The following SAMMSON variants were observed in gnomAD, a reference collection of about 807,000 sequenced individuals.
The protein encoded by SAMMSON is survival associated mitochondrial melanoma specific oncogenic non-coding RNA.
At chr3:70,384,037 A>G (rs1201055336) in intron 9 of SAMMSON, among the ~76,000 whole-genome samples, 1 of 152,002 alleles carries the variant, frequency 6.6e-6, no homozygotes, top group African/African-American at 2.4e-5. Flanking sequence ...CCATTGGTTA[A>G]GGATGCAATC....
intron 4 of SAMMSON, among the ~76,000 whole-genome samples, chr3:70,156,771 G>A (rs2067593818): frequency 6.6e-6 from 1 of 152,054 alleles, no homozygotes; most frequent in African/African-American, 2.4e-5. Context: ...GAAAGTGAAA[G>A]AAGGGGAAAT....
intron 9 of SAMMSON, among the ~76,000 whole-genome samples, chr3:70,365,981 T>TGC (rs1559573617): frequency 5.0e-3 from 90 of 18,106 alleles, no homozygotes; most frequent in South Asian, 7.6e-3. Flanking sequence ...TTTTTTTTTT[T>TGC]TTTTTTTTTT....
chr3:70,191,803 A>G (rs1701132658), intron 4 of SAMMSON, among the ~76,000 whole-genome samples: 2 of 151,434 alleles, frequency 1.3e-5, no homozygotes, highest in South Asian at 4.2e-4. Context: ...GAATGAACAG[A>G]TTTGGCCTCA....
In SAMMSON at chr3:70,366,148, G is replaced by A. The variant is rs563266969; in HGVS notation, n.913+7824G>A. Among the ~76,000 whole-genome samples the A allele has an allele frequency of 1.7e-4, 13 of 75,024 alleles. 3 individuals are homozygous for A. Among genetic ancestry groups the A allele is most frequent in the African/African-American group, 6.0e-4 (12 of 20,136 alleles). The allele number at this position is 75,024 out of a possible 152,430, so 49.2% of individuals were successfully genotyped here. ...TGGGACTACAGGCGCCCGCCACCGCGCCCGGCTAATTTTTTGTATTTTTAG... is the reference window on the plus strand; with the variant it reads ...TGGGACTACAGGCGCCCGCCACCGCACCCGGCTAATTTTTTGTATTTTTAG... On this transcript the variant is annotated intron_variant and non_coding_transcript_variant, in intron 9 of 9. Transcript: ENST00000642114.
chr3:70,186,430 A>G (rs1362183179), intron 4 of SAMMSON, among the ~76,000 whole-genome samples: 1 of 151,398 alleles, frequency 6.6e-6, no homozygotes, highest in Non-Finnish European at 1.5e-5. Flanking sequence ...GCTAATTTTT[A>G]TTTTTTTATT....
intron 6 of SAMMSON, among the ~76,000 whole-genome samples, chr3:70,253,596 C>T (rs1032245145): frequency 2.6e-5 from 4 of 152,054 alleles, no homozygotes; most frequent in African/African-American, 9.7e-5. Context: ...GGTGATGCAC[C>T]TCTGTAGTCC....
chr3:70,195,251 T>C (rs888661294), intron 4 of SAMMSON, among the ~76,000 whole-genome samples: 1 of 152,148 alleles, frequency 6.6e-6, no homozygotes, highest in Non-Finnish European at 1.5e-5. Flanking sequence ...GTTCTATGCA[T>C]TGAGTATAGA....
At chr3:70,212,893 A>G (rs1332310139) in intron 4 of SAMMSON, among the ~76,000 whole-genome samples, 1 of 152,046 alleles carries the variant, frequency 6.6e-6, no homozygotes, top group Non-Finnish European at 1.5e-5. Context: ...TCCCAGACTC[A>G]GGTGATCCTC....
intron 9 of SAMMSON, among the ~76,000 whole-genome samples, chr3:70,363,800 CTGTGTGTGTG>C (rs10542257): frequency 2.0e-5 from 3 of 146,740 alleles, no homozygotes; most frequent in East Asian, 3.9e-4. Context: ...ATTGCATTGT[CTGTGTGTGTG>C]TGTGTGTGTG....
chr3:70,128,787 G>A (rs1246556763), intron 4 of SAMMSON, among the ~76,000 whole-genome samples: 1 of 152,074 alleles, frequency 6.6e-6, no homozygotes, highest in Non-Finnish European at 1.5e-5. Flanking sequence ...GAAGCATTTG[G>A]GGCATGAAAT....
Position 70,254,705 on chromosome 3 carries a change from A to G in SAMMSON, n.674+5035A>G, listed in dbSNP as rs185368565. Among the ~76,000 whole-genome samples the G allele has an allele frequency of 3.7e-4, 57 of 152,318 alleles. No individual in the cohort carries two copies. In the East Asian group the frequency reaches 0.01, roughly 28 times the overall value. On this transcript the variant is annotated intron_variant and non_coding_transcript_variant, in intron 6 of 9. Coordinates refer to ENST00000642114, the Ensembl canonical transcript of SAMMSON. ...ATAATCTTTTTCTTAAGATTATAAAATGAAAAGCAGAAGTTCTGTCATGAC... is the reference window on the plus strand; with the variant it reads ...ATAATCTTTTTCTTAAGATTATAAAGTGAAAAGCAGAAGTTCTGTCATGAC...
intron 3 of SAMMSON, among the ~76,000 whole-genome samples, chr3:70,039,960 C>G (rs531934131): frequency 6.6e-6 from 1 of 152,170 alleles, no homozygotes; most frequent in East Asian, 1.9e-4. Context: ...CAAGTTCCTC[C>G]TCAGTATATT....
chr3:70,405,270 T>G (rs1053650752), intron 2 of SAMMSON, among the ~76,000 whole-genome samples: 2 of 152,206 alleles, frequency 1.3e-5, no homozygotes, highest in Non-Finnish European at 2.9e-5. Context: ...AGCCTAAAGC[T>G]TCACTGATGG....
intron 3 of SAMMSON, among the ~76,000 whole-genome samples, chr3:70,028,381 T>C (rs1276518357): frequency 6.6e-6 from 1 of 152,154 alleles, no homozygotes; most frequent in African/African-American, 2.4e-5. Flanking sequence ...AGGTCTTTAC[T>C]TTAGGCAGGA....
At chr3:70,280,327 G>A (rs1386940985) in intron 6 of SAMMSON, among the ~76,000 whole-genome samples, 5 of 152,066 alleles carry the variant, frequency 3.3e-5, no homozygotes, top group African/African-American at 9.7e-5. Context: ...TCACATCTAC[G>A]AAGACCCTTT....
intron 1 of SAMMSON, among the ~76,000 whole-genome samples, chr3:70,007,306 C>G (rs2066931657): frequency 6.6e-6 from 1 of 152,106 alleles, no homozygotes; most frequent in African/African-American, 2.4e-5. Context: ...CTCTCCAGCA[C>G]CTGTTGTTTC....
At chr3:70,239,315 C>T (rs745350701) in intron 4 of SAMMSON, among the ~76,000 whole-genome samples, 1 of 152,104 alleles carries the variant, frequency 6.6e-6, no homozygotes, top group Non-Finnish European at 1.5e-5. Flanking sequence ...GCCCAAGGTC[C>T]AAGTCTTACC....
At chr3:70,259,350 G>A (rs910810400) in intron 6 of SAMMSON, among the ~76,000 whole-genome samples, 4 of 151,930 alleles carry the variant, frequency 2.6e-5, no homozygotes, top group Non-Finnish European at 5.9e-5. Flanking sequence ...AGGATCTAAA[G>A]TGACCTTGAT....
chr3:70,168,199 T>C (rs1319742004), intron 4 of SAMMSON, among the ~76,000 whole-genome samples: 1 of 151,972 alleles, frequency 6.6e-6, no homozygotes, highest in Non-Finnish European at 1.5e-5. Context: ...GGTTCAATCA[T>C]CACGCAGGCT....
Sources: gnomAD v4.1 joint callset for allele counts (sites outside exome capture counted in the v4.1 genomes callset) on GRCh38, gnomAD v4.1.1 for gene constraint, MANE v1.5 for transcripts, NCBI Gene and HGNC (gene_info 2026-07-23, HGNC 2026-07-21) for gene names.